TASP1: variants seen among roughly 807,000 people sequenced by gnomAD.
The protein encoded by TASP1 is taspase 1, also known as threonine aspartase 1.
TASP1 carries 16 observed loss-of-function variants against 56.6 expected under a neutral mutation model. The observed-to-expected ratio is 0.28, with a 90% confidence interval of 0.19 to 0.43. TASP1 has a LOEUF of 0.43. Among genes scored for constraint, TASP1 ranks in the 20% least tolerant of loss-of-function variants. The probability of loss-of-function intolerance (pLI) is 1.00; values close to 1 mark genes in which losing one functional copy is unlikely to be tolerated. For synonymous variants in TASP1, 179 were observed against 184.2 expected (o/e 0.97, Z 0.23); for missense variants, 393 against 511.6 (o/e 0.77, Z 2.24).
At chr20:13,502,180 T>G (rs1370666569) in intron 10 of TASP1, among the ~76,000 whole-genome samples, 1 of 152,096 alleles carries the variant, frequency 6.6e-6, no homozygotes, top group African/African-American at 2.4e-5. Flanking sequence ...AGATTATCTG[T>G]GCATCATCTC....
intron 4 of TASP1, among the ~76,000 whole-genome samples, chr20:13,588,300 A>G (rs1015254217): frequency 4.9e-5 from 6 of 122,912 alleles, no homozygotes; most frequent in Admixed American, 1.6e-4. Flanking sequence ...GAAGGAAGGA[A>G]GGAAGGAAGA....
At chr20:13,381,761 C>T in the TASP1 span, among the ~76,000 whole-genome samples, 1 of 152,202 alleles carries the variant, frequency 6.6e-6, no homozygotes, top group Non-Finnish European at 1.5e-5. Context: ...CCTCAGCAAA[C>T]TCTCTAAGCC....
At chr20:13,137,662 TGAA>T in the TASP1 span, among the ~76,000 whole-genome samples, 7 of 152,168 alleles carry the variant, frequency 4.6e-5, no homozygotes, top group Non-Finnish European at 8.8e-5. Flanking sequence ...TTCTGTTCAT[TGAA>T]GTAGTTCAGA....
chr20:13,568,085 A>G (rs1396320688), intron 7 of TASP1, among the ~76,000 whole-genome samples: 1 of 152,192 alleles, frequency 6.6e-6, no homozygotes, highest in Non-Finnish European at 1.5e-5. Flanking sequence ...TGCTACACAC[A>G]CATTTCTCTT....
chr20:13,262,281 C>G, the TASP1 span, among the ~76,000 whole-genome samples: 3 of 152,136 alleles, frequency 2.0e-5, no homozygotes, highest in African/African-American at 7.2e-5. Flanking sequence ...CCTTTATAGC[C>G]CTGAGCTGGT....
the TASP1 span, among the ~76,000 whole-genome samples, chr20:13,156,134 A>C: frequency 6.6e-6 from 1 of 152,210 alleles, no homozygotes; most frequent in Non-Finnish European, 1.5e-5. Context: ...GTTGGAAGAA[A>C]TATTCCAAAC....
chr20:13,185,462 C>T, the TASP1 span, among the ~76,000 whole-genome samples: 1 of 152,224 alleles, frequency 6.6e-6, no homozygotes, highest in Non-Finnish European at 1.5e-5. Context: ...CAGCTCACCA[C>T]TACCTCTTTC....
the TASP1 span, among the ~76,000 whole-genome samples, chr20:13,199,214 C>A: frequency 1.3e-5 from 2 of 151,674 alleles, no homozygotes; most frequent in African/African-American, 2.4e-5. Context: ...TCTTGTTTTC[C>A]TTTTTTTTGT....
In TASP1 at chr20:13,533,690, C is replaced by T. The variant is rs574088880; in HGVS notation, c.795+332G>A. Among the ~76,000 whole-genome samples, 101 of 152,090 alleles carry T rather than the reference C, an allele frequency of 6.6e-4. No homozygotes were observed. The Middle Eastern group carries it at 0.01, about 15-fold the overall frequency. The stretch of plus-strand genomic sequence containing the variant: ...GCAGTATAGTCAAGTAGAGCTTGTT[C>T]CTAAAGAGAGTGACATTTACAGAGA... On this transcript the variant is annotated intron_variant, in intron 9 of 13. Coordinates refer to ENST00000337743, the MANE Select transcript of TASP1 (RefSeq NM_017714.3).
intron 10 of TASP1, among the ~76,000 whole-genome samples, chr20:13,513,407 A>G (rs2044409676): frequency 7.1e-6 from 1 of 140,732 alleles, no homozygotes; most frequent in African/African-American, 2.5e-5. Flanking sequence ...CAAAAGAGGG[A>G]GGGAGGGAGG....
intron 13 of TASP1, among the ~76,000 whole-genome samples, chr20:13,416,840 C>T (rs935424229): frequency 3.3e-5 from 5 of 152,152 alleles, no homozygotes; most frequent in Admixed American, 6.5e-5. Flanking sequence ...AAAGCAACTC[C>T]GGAGATAGTA....
the TASP1 span, chr20:13,221,683 G>C: frequency 1.2e-5 from 13 of 1,116,016 alleles, no homozygotes; most frequent in Non-Finnish European, 1.4e-5. Context: ...GAGCCGCGCT[G>C]CCGGGCTCCC....
the TASP1 span, among the ~76,000 whole-genome samples, chr20:13,215,488 G>A: frequency 6.6e-6 from 1 of 152,204 alleles, no homozygotes; most frequent in Non-Finnish European, 1.5e-5. Context: ...AATGCAGATA[G>A]GAACTATAAG....
the TASP1 span, among the ~76,000 whole-genome samples, chr20:13,357,806 A>G: frequency 6.6e-6 from 1 of 152,222 alleles, no homozygotes; most frequent in Non-Finnish European, 1.5e-5. Context: ...AAAGAAAATT[A>G]ATGATCTACT....
At chr20:13,240,437 A>T in the TASP1 span, among the ~76,000 whole-genome samples, 2 of 152,200 alleles carry the variant, frequency 1.3e-5, no homozygotes, top group Admixed American at 1.3e-4. Context: ...CTCTGCAAAG[A>T]ACTCAGGAGA....
chr20:13,203,109 G>A, the TASP1 span, among the ~76,000 whole-genome samples: 1 of 151,962 alleles, frequency 6.6e-6, no homozygotes, highest in East Asian at 1.9e-4. Context: ...TTAATAAGCA[G>A]TTACTAAGCA....
intron 12 of TASP1, among the ~76,000 whole-genome samples, chr20:13,421,787 A>T (rs560642088): frequency 7.9e-5 from 12 of 152,234 alleles, no homozygotes; most frequent in African/African-American, 2.9e-4. Context: ...ACATTCTCTT[A>T]ATCCGTGGTA....
chr20:13,360,646 CTG>C, the TASP1 span, among the ~76,000 whole-genome samples: 3 of 152,220 alleles, frequency 2.0e-5, no homozygotes, highest in African/African-American at 4.8e-5. Flanking sequence ...AAATCACAAA[CTG>C]TGCTCAACTC....
In TASP1 at chr20:13,585,274, T is replaced by C. The variant is rs1055535531; in HGVS notation, c.403+1976A>G. On this transcript the variant is annotated intron_variant, in intron 5 of 13. Coordinates refer to ENST00000337743, the MANE Select transcript of TASP1 (RefSeq NM_017714.3). ...ATAAAATTACAGAAAGAATGAAGAT[T>C]ATCTTCATAACTTTGAACAGGCAAA... is the stretch of plus-strand genomic sequence containing the variant. 3.3e-5 allele frequency among the ~76,000 whole-genome samples: 5 copies of C among 152,324 alleles called. No individual in the cohort carries two copies. In the East Asian group the frequency reaches 9.6e-4, roughly 29 times the overall value.
Sources: gnomAD v4.1 joint callset for allele counts (sites outside exome capture counted in the v4.1 genomes callset) on GRCh38, gnomAD v4.1.1 for gene constraint, MANE v1.5 for transcripts, NCBI Gene and HGNC (gene_info 2026-07-23, HGNC 2026-07-21) for gene names.